The following PKHD1L1 variants were observed in gnomAD, a reference collection of about 807,000 sequenced individuals.
PKHD1L1 encodes PKHD1 like 1.
Under a neutral mutation model 462.9 loss-of-function variants are expected in PKHD1L1, and 434 were observed. That is an observed-to-expected ratio of 0.94 (90% confidence interval 0.87 to 1.02). The LOEUF (loss-of-function observed/expected upper bound fraction) is 1.02. Ranked by LOEUF, PKHD1L1 falls within the 50% of genes least tolerant of loss-of-function variation. The pLI, the probability that PKHD1L1 is intolerant of heterozygous loss-of-function variation, is 0.00. For missense variants in PKHD1L1, 5,202 were observed against 5,096.1 expected, an observed-to-expected ratio of 1.02 and a Z score of -0.63; for synonymous variants, 1,781 against 1,750.0, an observed-to-expected ratio of 1.02 and a Z score of -0.44.
chr8:109,495,637 G>A (rs554397750), intron 63 of PKHD1L1, among the ~76,000 whole-genome samples: 10 of 152,226 alleles, frequency 6.6e-5, no homozygotes, highest in African/African-American at 2.2e-4. Flanking sequence ...GGAGAGAAAT[G>A]TAAACATCTT....
intron 77 of PKHD1L1, among the ~76,000 whole-genome samples, chr8:109,527,780 C>G (rs1284036143): frequency 6.6e-6 from 1 of 152,160 alleles, no homozygotes; most frequent in South Asian, 2.1e-4. Flanking sequence ...CTCACCACCC[C>G]CAATCTTCAT....
chr8:109,427,594 C>G (rs1255764481), intron 25 of PKHD1L1, among the ~76,000 whole-genome samples: 1 of 151,996 alleles, frequency 6.6e-6, no homozygotes, highest in Non-Finnish European at 1.5e-5. Flanking sequence ...TTTCCAAGTT[C>G]ATAAGGGAGT....
intron 23 of PKHD1L1, among the ~76,000 whole-genome samples, chr8:109,421,369 T>G (rs951874168): frequency 4.6e-5 from 7 of 151,960 alleles, no homozygotes; most frequent in Non-Finnish European, 5.9e-5. Context: ...TACTGAAAAA[T>G]TATAAAAACT....
At chr8:109,468,432 G>A (rs1817557724) in intron 50 of PKHD1L1, among the ~76,000 whole-genome samples, 1 of 152,084 alleles carries the variant, frequency 6.6e-6, no homozygotes, top group Non-Finnish European at 1.5e-5. Context: ...AATACCTAGA[G>A]GGCAATATCT....
rs1821028622 is a variant in PKHD1L1, at chr8:109,531,012, A to G, written c.*922A>G. ...ACCGAACTCTCTAACAGTATTGAAA[A>G]TAGCAATTCTTTACTCAGAAAATTC... On this transcript the variant is annotated 3_prime_UTR_variant, in exon 78 of 78. Transcript: ENST00000378402. Among the ~76,000 whole-genome samples, 1 of 152,248 alleles carries G rather than the reference A, an allele frequency of 6.6e-6. No individual in the cohort carries two copies. Among genetic ancestry groups the G allele is most frequent in the Non-Finnish European group, 1.5e-5 (1 of 68,036 alleles).
intron 21 of PKHD1L1, among the ~76,000 whole-genome samples, chr8:109,418,797 T>C (rs1814312511): frequency 6.6e-6 from 1 of 152,228 alleles, no homozygotes; most frequent in Non-Finnish European, 1.5e-5. Context: ...CACAAATGCC[T>C]GTGCTTCTTA....
At position 109,452,732 on chromosome 8, in the gene PKHD1L1, T is replaced by C; in HGVS notation, c.6522T>C (p.Phe2174=). ...VGMAKLDNAD[F]LYVDAWSSNF... ...TTCTATTACAGGATAATGCTGACTT[T>C]CTTTATGTTGATGCCTGGTCCTCCA... Residue 2174 remains phenylalanine (F), a synonymous_variant, in exon 43 of 78, where the codon TTT becomes TTC. Coordinates refer to ENST00000378402, the MANE Select transcript of PKHD1L1 (RefSeq NM_177531.6). The C allele has an allele frequency of 2.0e-6, 3 of 1,534,422 alleles. No homozygotes were observed. The highest frequency in any genetic ancestry group is 2.6e-6 in the Non-Finnish European group (3 of 1,143,312).
At chr8:109,518,629 C>A in intron 73 of PKHD1L1, 121 bp downstream of exon 73, 1 of 743,628 alleles carries the variant, frequency 1.3e-6, no homozygotes, top group Non-Finnish European at 2.1e-6. Flanking sequence ...CATCCTGAAC[C>A]CTCTAAGTGC....
Position 109,497,168 on chromosome 8 carries a change from A to G in PKHD1L1, c.10495A>G (p.Ile3499Val). 6.2e-7 allele frequency: 1 copy of G among 1,613,878 alleles called. No homozygotes were observed. The highest frequency in any genetic ancestry group is 8.5e-7 in the Non-Finnish European group (1 of 1,179,816). ...IYFQTTESVHIYNVTLVDNGM... is the reference protein window; with the variant it reads ...IYFQTTESVHVYNVTLVDNGM... ...ATTGCAGACCACAGAGAGTGTGCAC[A>G]TTTATAATGTGACCCTGGTTGACAA... The change falls in exon 65 of 78, where the codon ATT becomes GTT. Residue 3499 changes from isoleucine to valine, a missense_variant. By Grantham distance (29) the Ile-to-Val change is conservative. Coordinates refer to ENST00000378402, the MANE Select transcript of PKHD1L1 (RefSeq NM_177531.6).
intron 67 of PKHD1L1, 110 bp downstream of exon 67, chr8:109,498,881 T>G: frequency 1.0e-6 from 1 of 958,558 alleles, no homozygotes; most frequent in Non-Finnish European, 1.5e-6. Flanking sequence ...TGAATTTTTA[T>G]AGCAATCTGC....
chr8:109,447,204 C>G (rs576406989), intron 38 of PKHD1L1, among the ~76,000 whole-genome samples: 1 of 152,300 alleles, frequency 6.6e-6, no homozygotes, highest in African/African-American at 2.4e-5. Flanking sequence ...GCCTGGGCGA[C>G]AGAGCGAGAC....
intron 2 of PKHD1L1, among the ~76,000 whole-genome samples, chr8:109,377,945 G>A: frequency 6.6e-6 from 1 of 152,002 alleles, no homozygotes; most frequent in South Asian, 2.1e-4. Context: ...TATGTTTATA[G>A]AAAGATTAAA....
chr8:109,391,805 T>C (rs2130486481), intron 9 of PKHD1L1, among the ~76,000 whole-genome samples: 1 of 152,334 alleles, frequency 6.6e-6, no homozygotes, highest in South Asian at 2.1e-4. Context: ...TGTCCCTTCA[T>C]GTATGGAACT....
chr8:109,463,807 A>T (rs114290711), intron 48 of PKHD1L1, among the ~76,000 whole-genome samples: 1 of 152,334 alleles, frequency 6.6e-6, no homozygotes, highest in African/African-American at 2.4e-5. Flanking sequence ...GGCAAAGACT[A>T]GGATCATGCA....
At chr8:109,479,474 G>T in intron 53 of PKHD1L1, 77 bp from the exon 54 acceptor site, 1 of 982,834 alleles carries the variant, frequency 1.0e-6, no homozygotes, top group South Asian at 1.6e-5. Context: ...TGGGGAAATG[G>T]AACGGTTTAC....
Position 109,439,073 on chromosome 8 carries a change from T to C in PKHD1L1, c.3937T>C (p.Trp1313Arg), listed in dbSNP as rs1284580173. Residue 1313 changes from tryptophan (W) to arginine (R), a missense_variant, in exon 32 of 78, where the codon TGG becomes CGG. Trp to Arg is a moderately radical substitution (Grantham distance 101, BLOSUM62 -3). Coordinates refer to ENST00000378402, the MANE Select transcript of PKHD1L1 (RefSeq NM_177531.6). ...TGATATCTATGTAGAAGTCAGAAAC[T>C]GGGGTTTTGCATCAACAAGGTATGA... The part of the protein sequence containing the change: ...KHDIYVEVRN[W>R]GFASTRDKLN... 1.2e-6 allele frequency: 2 copies of C among 1,612,990 alleles called. No homozygotes were observed. Among genetic ancestry groups the C allele is most frequent in the South Asian group, 2.2e-5 (2 of 90,848 alleles).
intron 45 of PKHD1L1, 98 bp from the exon 46 acceptor site, chr8:109,456,164 A>G: frequency 7.7e-7 from 1 of 1,300,492 alleles, no homozygotes; most frequent in Non-Finnish European, 1.0e-6. Context: ...GAGCCTCTCC[A>G]ACATTGATTC....
Position 109,442,144 on chromosome 8 carries a change from G to A in PKHD1L1, c.4342G>A (p.Val1448Ile), listed in dbSNP as rs138118364. The A allele has an allele frequency of 3.8e-4, 621 of 1,613,238 alleles. 1 individual carries two copies. The African/African-American group carries it at 7.4e-3, about 19-fold the overall frequency. Residue 1448 changes from valine to isoleucine, a missense_variant, in exon 35 of 78, where the codon GTA (valine) becomes ATA (isoleucine). Coordinates refer to ENST00000378402, the MANE Select transcript of PKHD1L1 (RefSeq NM_177531.6). ...TTTTTCTGTCTCCAGTCCTGGAAGT[G>A]TAATTTATGATGGCAAAGGATTCAC... ...RIFSVSSPGS[V>I]IYDGKGFTSG...
intron 40 of PKHD1L1, among the ~76,000 whole-genome samples, chr8:109,450,688 A>G (rs1816436933): frequency 6.6e-6 from 1 of 152,108 alleles, no homozygotes; most frequent in African/African-American, 2.4e-5. Flanking sequence ...ACAAAGTTGG[A>G]TCCTCTAGAA....
Sources: gnomAD v4.1 joint callset for allele counts (sites outside exome capture counted in the v4.1 genomes callset) on GRCh38, gnomAD v4.1.1 for gene constraint, MANE v1.5 for transcripts, NCBI Gene and HGNC (gene_info 2026-07-23, HGNC 2026-07-21) for gene names.